The following PLS1 variants were observed in gnomAD, a reference collection of about 807,000 sequenced individuals.
PLS1 encodes the protein plastin-1.
PLS1 carries 32 observed loss-of-function variants against 73.7 expected under a neutral mutation model. That is an observed-to-expected ratio of 0.43 (90% CI 0.33 to 0.58). PLS1 has a LOEUF of 0.58. PLS1 is among the 20% of genes least tolerant of loss of function. PLS1 has a pLI of 0.04. For missense variants in PLS1, 633 were observed against 740.5 expected (o/e 0.85, Z 1.68); for synonymous variants, 217 against 261.3 (o/e 0.83, Z 1.63).
intron 1 of PLS1, among the ~76,000 whole-genome samples, chr3:142,650,136 A>C (rs1047579849): frequency 5.9e-5 from 9 of 151,330 alleles, no homozygotes; most frequent in Non-Finnish European, 1.2e-4. Flanking sequence ...AGGACTCTGA[A>C]TTCATGACTA....
chr3:142,679,124 G>GT (rs1383557652), intron 6 of PLS1, among the ~76,000 whole-genome samples: 2 of 151,328 alleles, frequency 1.3e-5, no homozygotes, highest in Non-Finnish European at 2.9e-5. Context: ...GGGGTTGTTT[G>GT]TTTTTTTCTT....
intron 1 of PLS1, among the ~76,000 whole-genome samples, chr3:142,629,823 G>A (rs943234927): frequency 6.6e-6 from 1 of 152,136 alleles, no homozygotes; most frequent in African/African-American, 2.4e-5. Flanking sequence ...TTTGTTTTAA[G>A]GGGATCTCCT....
intron 1 of PLS1, among the ~76,000 whole-genome samples, chr3:142,604,425 G>T (rs530367645): frequency 1.3e-5 from 2 of 152,094 alleles, no homozygotes; most frequent in Non-Finnish European, 2.9e-5. Context: ...AAGATCATTG[G>T]GACATCCTTT....
rs200819457 is a variant in PLS1 at position 142,664,319 on chromosome 3, A to C, written c.70+12A>C. On this transcript the variant is annotated intron_variant, in intron 2 of 15. Coordinates refer to ENST00000457734, the MANE Select transcript of PLS1 (RefSeq NM_001145319.2). Reference sequence around the variant, plus strand: ...ATTTAATAAAATAGGTATGCTTGAGAAAAAGTAAATATGATATTACTGGTC... The same window carrying C: ...ATTTAATAAAATAGGTATGCTTGAGCAAAAGTAAATATGATATTACTGGTC... 1 of 1,424,028 alleles carries C rather than the reference A, an allele frequency of 7.0e-7. No homozygotes were observed. The highest frequency in any genetic ancestry group is 1.4e-5 in the African/African-American group (1 of 70,350). 88.2% of individuals were successfully genotyped at this position (1,424,028 alleles called of 1,614,324 possible). A position where few individuals can be genotyped will look rare whatever the true frequency, so the allele number is the denominator to read the frequency against.
chr3:142,671,055 G>A lies in PLS1; in HGVS notation c.297G>A (p.Arg99=), dbSNP rs772757243. 1 of 1,603,638 alleles carries A rather than the reference G, an allele frequency of 6.2e-7. No homozygotes were observed. Among genetic ancestry groups the A allele is most frequent in the South Asian group, 1.1e-5 (1 of 90,630 alleles). The change falls in exon 4 of 16, where the codon AGG becomes AGA. Residue 99 remains arginine, a synonymous_variant. Transcript: ENST00000457734. Reference sequence around the variant, plus strand: ...CATTCCGAAAAATAATTAACAAGAGGGAAGGGATTACTGCTATTGGAGGAA... The same window carrying A: ...CATTCCGAAAAATAATTAACAAGAGAGAAGGGATTACTGCTATTGGAGGAA... The part of the protein sequence containing the change: ...SKTFRKIINK[R]EGITAIGGTS...
intron 1 of PLS1, among the ~76,000 whole-genome samples, chr3:142,649,652 T>C (rs1437134383): frequency 6.8e-6 from 1 of 147,250 alleles, no homozygotes. Flanking sequence ...AAAAAAAAAG[T>C]GAATAGGAAG....
At chr3:142,606,635 A>C (rs2036023106) in intron 1 of PLS1, among the ~76,000 whole-genome samples, 1 of 152,186 alleles carries the variant, frequency 6.6e-6, no homozygotes, top group African/African-American at 2.4e-5. Flanking sequence ...GGCAATGCCA[A>C]ATCTACTTTC....
chr3:142,677,054 A>C (rs2037738300), intron 5 of PLS1, among the ~76,000 whole-genome samples: 2 of 152,126 alleles, frequency 1.3e-5, no homozygotes, highest in Non-Finnish European at 2.9e-5. Flanking sequence ...TACAATTCTT[A>C]TCTTTCTTTG....
In PLS1 at chr3:142,713,337, C is replaced by T. The variant is rs541153125; in HGVS notation, c.*1330C>T. The T allele has an allele frequency of 3.7e-4, 56 of 152,684 alleles. No homozygotes were observed. Among genetic ancestry groups the T allele is most frequent in the Middle Eastern group, 6.8e-3 (2 of 294 alleles). 9.5% of individuals were successfully genotyped at this position (152,684 alleles called of 1,614,324 possible). A position where few individuals can be genotyped will look rare whatever the true frequency, so the allele number is the denominator to read the frequency against. Reference sequence around the variant, plus strand: ...AGTGTGAATGAGTAGTCTAAATTCCCTTTCTACCATTGATTTAAATATATA... The same window carrying T: ...AGTGTGAATGAGTAGTCTAAATTCCTTTTCTACCATTGATTTAAATATATA... On this transcript the variant is annotated 3_prime_UTR_variant, in exon 16 of 16. Coordinates refer to ENST00000457734, the MANE Select transcript of PLS1 (RefSeq NM_001145319.2).
intron 10 of PLS1, 57 bp from the exon 11 acceptor site, chr3:142,694,412 T>C (rs1036392635): frequency 3.6e-6 from 4 of 1,096,112 alleles, no homozygotes; most frequent in Non-Finnish European, 5.6e-6. Context: ...TGGTTTAACA[T>C]ATAGTTCCTG....
chr3:142,631,288 C>T lies in PLS1; in HGVS notation c.-36-32914C>T, dbSNP rs981560668. Among the ~76,000 whole-genome samples the T allele has an allele frequency of 1.8e-4, 27 of 151,622 alleles. 1 individual carries two copies. Among genetic ancestry groups the T allele is most frequent in the South Asian group, 4.2e-4 (2 of 4,774 alleles). On this transcript the variant is annotated intron_variant, in intron 1 of 15. Transcript: ENST00000457734. Reference sequence around the variant, plus strand: ...CAGCACTTTGGGAGGCCACGGTGGGCGGATCACTGGAGGTCAGGAGTTGGA... The same window carrying T: ...CAGCACTTTGGGAGGCCACGGTGGGTGGATCACTGGAGGTCAGGAGTTGGA...
intron 1 of PLS1, among the ~76,000 whole-genome samples, chr3:142,620,984 A>G (rs968099166): frequency 6.6e-6 from 1 of 152,122 alleles, no homozygotes; most frequent in African/African-American, 2.4e-5. Context: ...GCACCCCTGC[A>G]CTCCAGCCTG....
At chr3:142,675,876 A>G (rs1488793075) in intron 4 of PLS1, among the ~76,000 whole-genome samples, 4 of 149,634 alleles carry the variant, frequency 2.7e-5, no homozygotes, top group South Asian at 2.1e-4. Context: ...GGGTTTCTCC[A>G]TGTTGCTCAG....
At chr3:142,645,268 G>C (rs1486011203) in intron 1 of PLS1, 1 of 152,082 alleles carries the variant, frequency 6.6e-6, no homozygotes, top group African/African-American at 2.4e-5. Flanking sequence ...GCATGTATAA[G>C]ACAATTCCTT....
intron 1 of PLS1, among the ~76,000 whole-genome samples, chr3:142,633,314 A>G (rs566937529): frequency 6.6e-6 from 1 of 152,364 alleles, no homozygotes; most frequent in Admixed American, 6.5e-5. Context: ...TGACAATGCA[A>G]TATAATCAAC....
At chr3:142,611,699 A>G (rs2036123127) in intron 1 of PLS1, among the ~76,000 whole-genome samples, 1 of 152,204 alleles carries the variant, frequency 6.6e-6, no homozygotes, top group South Asian at 2.1e-4. Flanking sequence ...TGTACATACT[A>G]TATACATAAG....
At chr3:142,656,205 G>A (rs2037233427) in intron 1 of PLS1, among the ~76,000 whole-genome samples, 1 of 152,104 alleles carries the variant, frequency 6.6e-6, no homozygotes, top group Non-Finnish European at 1.5e-5. Context: ...CAAGTGATCT[G>A]CCTGCCTTGG....
At chr3:142,620,553 C>T (rs962673619) in intron 1 of PLS1, among the ~76,000 whole-genome samples, 1 of 152,144 alleles carries the variant, frequency 6.6e-6, no homozygotes, top group Non-Finnish European at 1.5e-5. Context: ...GACTCTTGCC[C>T]CGAAGGTGCA....
At chr3:142,690,207 A>G (rs1577897221) in intron 10 of PLS1, among the ~76,000 whole-genome samples, 2 of 152,266 alleles carry the variant, frequency 1.3e-5, no homozygotes. Context: ...TGTACATGAA[A>G]AAAATTACAG....
Sources: allele counts gnomAD v4.1 joint callset (sites outside exome capture counted in the v4.1 genomes callset), GRCh38; gene constraint gnomAD v4.1.1; transcripts MANE v1.5; gene names NCBI Gene and HGNC (gene_info 2026-07-23, HGNC 2026-07-21).